PRKAG2: variants seen among roughly 807,000 people sequenced by gnomAD.
The protein encoded by PRKAG2 is protein kinase AMP-activated non-catalytic subunit gamma 2.
Under a neutral mutation model 69.6 loss-of-function variants are expected in PRKAG2, and 26 were observed. The ratio of observed to expected loss-of-function variants is 0.37; its 90% CI spans 0.27 to 0.52. The LOEUF is 0.52. PRKAG2 is among the 20% of genes least tolerant of loss of function. The probability of loss-of-function intolerance (pLI) is 0.90; values close to 1 mark genes in which losing one functional copy is unlikely to be tolerated. For missense variants in PRKAG2, 557 were observed against 740.0 expected, an observed-to-expected ratio of 0.75 and a Z score of 2.87; for synonymous variants, 293 against 285.0, an observed-to-expected ratio of 1.03 and a Z score of -0.28.
intron 1 of PRKAG2, among the ~76,000 whole-genome samples, chr7:151,867,864 C>T (rs1337730571): frequency 6.6e-6 from 1 of 152,228 alleles, no homozygotes; most frequent in Non-Finnish European, 1.5e-5. Flanking sequence ...ATTCTCCCCT[C>T]ACCCTGTTGC....
chr7:151,846,768 C>T (rs1461240822), intron 1 of PRKAG2, among the ~76,000 whole-genome samples: 1 of 152,172 alleles, frequency 6.6e-6, no homozygotes, highest in Non-Finnish European at 1.5e-5. Context: ...CTTATAACCA[C>T]CATAGGGCTT....
chr7:151,762,389 A>G (rs1393947391), intron 3 of PRKAG2, among the ~76,000 whole-genome samples: 1 of 152,200 alleles, frequency 6.6e-6, no homozygotes, highest in Non-Finnish European at 1.5e-5. Context: ...ATTCTTACAT[A>G]TACGACGTAT....
At chr7:151,809,302 G>T in intron 1 of PRKAG2, 1 of 456,164 alleles carries the variant, frequency 2.2e-6, no homozygotes, top group Non-Finnish European at 4.4e-6. Context: ...CCCGAGACGG[G>T]TGCAGAATCA....
chr7:151,757,919 T>C (rs1331647551), intron 3 of PRKAG2, among the ~76,000 whole-genome samples: 3 of 152,240 alleles, frequency 2.0e-5, no homozygotes, highest in Non-Finnish European at 4.4e-5. Context: ...ATCAGATGGA[T>C]TTGTTACTGT....
chr7:151,772,988 A>AAT (rs1563638672), intron 3 of PRKAG2, among the ~76,000 whole-genome samples: 1 of 18,702 alleles, frequency 5.3e-5, no homozygotes, highest in Admixed American at 1.0e-3. Context: ...AATGAATGAA[A>AAT]GAAAGAAAGA....
chr7:151,654,865 G>A (rs569245424), intron 4 of PRKAG2, among the ~76,000 whole-genome samples: 2 of 152,290 alleles, frequency 1.3e-5, no homozygotes, highest in East Asian at 1.9e-4. Context: ...GCTAATTTTT[G>A]TATTTTTAGT....
At position 151,850,551 on chromosome 7, in the gene PRKAG2, T is replaced by A. The variant is rs2079543665; in HGVS notation, c.114+25956A>T. Among the ~76,000 whole-genome samples the A allele has an allele frequency of 6.6e-6, 1 of 152,174 alleles. No homozygotes were observed. The stretch of plus-strand genomic sequence containing the variant: ...CCATGCTCATCAAAGCAGCCCAAGC[T>A]CACACTCAGCCAAGGAGCCCCGAGC... On this transcript the variant is annotated intron_variant, in intron 1 of 15. Coordinates refer to ENST00000287878, the MANE Select transcript of PRKAG2 (RefSeq NM_016203.4). This position sits in a 1 kb window ranked among gnomAD's most constrained non-coding sequence, Gnocchi z 4.1.
chr7:151,875,926 G>A (rs112229026), intron 1 of PRKAG2, among the ~76,000 whole-genome samples: 29,869 of 151,878 alleles, frequency 0.2, 3,243 homozygotes, highest in Middle Eastern at 0.3. Context: ...CCCGGGGCGG[G>A]GGAAGGGAAC....
At chr7:151,701,175 C>G (rs534597909) in intron 3 of PRKAG2, among the ~76,000 whole-genome samples, 4 of 152,288 alleles carry the variant, frequency 2.6e-5, no homozygotes, top group Admixed American at 2.6e-4. Flanking sequence ...CGTCACTGGG[C>G]CGGGGGAGGA....
chr7:151,819,049 A>G (rs190544684), intron 1 of PRKAG2, among the ~76,000 whole-genome samples: 5 of 152,328 alleles, frequency 3.3e-5, no homozygotes, highest in Admixed American at 2.6e-4. Context: ...CTCCCTGGCG[A>G]AATGAGTGGT....
chr7:151,815,612 CG>C (rs2078618192), intron 1 of PRKAG2, among the ~76,000 whole-genome samples: 1 of 152,232 alleles, frequency 6.6e-6, no homozygotes, highest in South Asian at 2.1e-4. Context: ...TGCTTCCCCA[CG>C]TGGCAGTGGT....
chr7:151,840,924 A>G (rs2079261406), intron 1 of PRKAG2, among the ~76,000 whole-genome samples: 1 of 152,184 alleles, frequency 6.6e-6, no homozygotes, highest in Admixed American at 6.5e-5. Context: ...ACTGGAGCCC[A>G]GGTGTTCAAG....
intron 1 of PRKAG2, among the ~76,000 whole-genome samples, chr7:151,845,617 A>T (rs891001502): frequency 6.6e-6 from 1 of 152,140 alleles, no homozygotes; most frequent in Non-Finnish European, 1.5e-5. Context: ...GGCGCTGGGA[A>T]GGGAAAGGCG....
At chr7:151,626,166 C>T (rs372990224) in intron 5 of PRKAG2, among the ~76,000 whole-genome samples, 1 of 152,120 alleles carries the variant, frequency 6.6e-6, no homozygotes, top group African/African-American at 2.4e-5. Flanking sequence ...CAGTTACTTG[C>T]GAAGACTGGT....
intron 1 of PRKAG2, among the ~76,000 whole-genome samples, chr7:151,846,201 G>A (rs537221003): frequency 3.1e-4 from 47 of 152,312 alleles, no homozygotes; most frequent in Middle Eastern, 3.4e-3. Context: ...AAGGCCGGGC[G>A]CGGTGGTTCA....
Position 151,876,812 on chromosome 7 carries a change from C to A in PRKAG2, c.-192G>T. On this transcript the variant is annotated 5_prime_UTR_variant, in exon 1 of 16. Coordinates refer to ENST00000287878, the MANE Select transcript of PRKAG2 (RefSeq NM_016203.4). ...GCCGCCGCCGCCGAAGCGCCGAATTCAAGCGTCCTTTCCTACGGAACCCTC... is the reference window on the plus strand; with the variant it reads ...GCCGCCGCCGCCGAAGCGCCGAATTAAAGCGTCCTTTCCTACGGAACCCTC... The A allele has an allele frequency of 1.5e-6, 1 of 651,580 alleles. No homozygotes were observed. The highest frequency in any genetic ancestry group is 1.7e-5 in the South Asian group (1 of 58,962). The allele number at this position is 651,580 out of a possible 1,614,324, so 40.4% of individuals were successfully genotyped here. A position where few individuals can be genotyped will look rare whatever the true frequency, so the allele number is the denominator to read the frequency against.
intron 5 of PRKAG2, among the ~76,000 whole-genome samples, chr7:151,613,440 C>T (rs768874008): frequency 5.9e-5 from 9 of 152,126 alleles, no homozygotes; most frequent in Non-Finnish European, 8.8e-5. Context: ...GATGCAAATA[C>T]TCAAAAATCT....
chr7:151,838,682 G>A (rs1419091790), intron 1 of PRKAG2, among the ~76,000 whole-genome samples: 1 of 149,820 alleles, frequency 6.7e-6, no homozygotes, highest in Non-Finnish European at 1.5e-5. Flanking sequence ...ACTCCAGCCA[G>A]GGAGATAAAG....
At chr7:151,861,391 G>A (rs1302608051) in intron 1 of PRKAG2, among the ~76,000 whole-genome samples, 1 of 152,020 alleles carries the variant, frequency 6.6e-6, no homozygotes, top group East Asian at 1.9e-4. Flanking sequence ...GGCCGGTCAT[G>A]GTGGTGCATG....
Sources: allele counts gnomAD v4.1 joint callset (sites outside exome capture counted in the v4.1 genomes callset), GRCh38; gene constraint gnomAD v4.1.1; non-coding constraint Gnocchi (gnomAD v3.1); transcripts MANE v1.5; gene names NCBI Gene and HGNC (gene_info 2026-07-23, HGNC 2026-07-21).